PAX7: variants seen among roughly 807,000 people sequenced by gnomAD.
PAX7 encodes paired box protein Pax-7.
A neutral mutation model predicts 50.7 loss-of-function variants in PAX7; 18 were observed. The observed-to-expected ratio is 0.36, with a 90% CI of 0.25 to 0.53. The LOEUF is 0.53. PAX7 is among the 20% of genes least tolerant of loss of function. The pLI is 0.93. For missense variants in PAX7, 644 were observed against 702.9 expected, an observed-to-expected ratio of 0.92 and a Z score of 0.95; for synonymous variants, 310 against 290.4, an observed-to-expected ratio of 1.07 and a Z score of -0.69.
In PAX7 at chr1:18,661,742, A is replaced by ACTGGGCCTGG. The variant is rs540819144; in HGVS notation, c.586+25373_586+25382dup. ...ACAAGAGCCTGGGCTCCCTCGGCCAACTGGGCCTGGCCTTTGAAGCTTAGT... is the reference window on the plus strand; with the variant it reads ...ACAAGAGCCTGGGCTCCCTCGGCCAACTGGGCCTGGCTGGGCCTGGCCTTTGAAGCTTAGT... On this transcript the variant is annotated intron_variant, in intron 4 of 8. Transcript: ENST00000420770. Among the ~76,000 whole-genome samples, 648 of 152,342 alleles carry ACTGGGCCTGG rather than the reference A, an allele frequency of 4.3e-3. 5 individuals carry two copies. Among genetic ancestry groups the ACTGGGCCTGG allele is most frequent in the Middle Eastern group, 6.8e-3 (2 of 294 alleles).
intron 4 of PAX7, among the ~76,000 whole-genome samples, chr1:18,671,888 G>T (rs1005929050): frequency 6.6e-6 from 1 of 151,884 alleles, no homozygotes; most frequent in African/African-American, 2.4e-5. Flanking sequence ...GAGGCAGGAG[G>T]ATCACTTAAG....
chr1:18,650,889 TG>T (rs1241227255), intron 4 of PAX7, among the ~76,000 whole-genome samples: 1 of 152,198 alleles, frequency 6.6e-6, no homozygotes, highest in Non-Finnish European at 1.5e-5. Context: ...GGTACCATGC[TG>T]GGAACAATGG....
intron 4 of PAX7, among the ~76,000 whole-genome samples, chr1:18,668,782 T>G (rs967921007): frequency 3.9e-5 from 6 of 152,230 alleles, no homozygotes; most frequent in African/African-American, 1.4e-4. Flanking sequence ...ATACTTTGCA[T>G]GCATTCACAT....
At chr1:18,718,504 C>T (rs1203220094) in intron 7 of PAX7, among the ~76,000 whole-genome samples, 1 of 152,170 alleles carries the variant, frequency 6.6e-6, no homozygotes. Context: ...AGGCCTGGCA[C>T]ATCCAAAGCA....
At chr1:18,732,232 C>T (rs1409352934) in intron 7 of PAX7, among the ~76,000 whole-genome samples, 1 of 152,210 alleles carries the variant, frequency 6.6e-6, no homozygotes, top group Non-Finnish European at 1.5e-5. Flanking sequence ...TGTTTATTGT[C>T]AGCTTCGTTC....
At position 18,726,007 on chromosome 1, in the gene PAX7, TGC is replaced by T. The variant is rs1557554158; in HGVS notation, c.1156-9619_1156-9618del. Among the ~76,000 whole-genome samples, 6 of 144,438 alleles carry T rather than the reference TGC, an allele frequency of 4.2e-5. No individual in the cohort carries two copies. The highest frequency in any genetic ancestry group is 2.1e-4 in the South Asian group (1 of 4,670). The allele number at this position is 144,438 out of a possible 152,430, so 94.8% of individuals were successfully genotyped here. A position where few individuals can be genotyped will look rare whatever the true frequency, so the allele number is the denominator to read the frequency against. ...GTGTGTGTGTGTGCGCGCGCGCGCG[TGC>T]GCGCGTGTGTGTGCGTGTGTTTGTG... On this transcript the variant is annotated intron_variant, in intron 7 of 8. Transcript: ENST00000420770. This position sits in a 1 kb window ranked among gnomAD's most constrained non-coding sequence, Gnocchi z 4.8.
intron 4 of PAX7, among the ~76,000 whole-genome samples, chr1:18,688,577 G>C (rs1278076158): frequency 6.6e-6 from 1 of 152,204 alleles, no homozygotes; most frequent in Non-Finnish European, 1.5e-5. Context: ...GGACAGCACT[G>C]CTCTAGAACT....
chr1:18,636,483 G>T lies in PAX7; in HGVS notation c.586+112G>T. On this transcript the variant is annotated intron_variant, in intron 4 of 8. Transcript: ENST00000420770. This position sits in a 1 kb window ranked among gnomAD's most constrained non-coding sequence, Gnocchi z 5.1. ...AGCAGGCGACCAGAACTCCAGCGGA[G>T]AAACTCTCATGCTGCGGGGCAGCTG... is the stretch of plus-strand genomic sequence containing the variant. The T allele has an allele frequency of 7.5e-7, 1 of 1,338,950 alleles. No homozygotes were observed. The highest frequency in any genetic ancestry group is 1.0e-6 in the Non-Finnish European group (1 of 971,638). 82.9% of individuals were successfully genotyped at this position (1,338,950 alleles called of 1,614,324 possible).
At chr1:18,720,619 G>A (rs1432175683) in intron 7 of PAX7, among the ~76,000 whole-genome samples, 1 of 151,802 alleles carries the variant, frequency 6.6e-6, no homozygotes, top group Non-Finnish European at 1.5e-5. Flanking sequence ...GAGGGGAGGT[G>A]GGCGCAGACG....
At chr1:18,651,972 G>A (rs1347508223) in intron 4 of PAX7, among the ~76,000 whole-genome samples, 2 of 151,938 alleles carry the variant, frequency 1.3e-5, no homozygotes, top group Non-Finnish European at 2.9e-5. Context: ...AATTAGACCC[G>A]GGACAAGAAT....
rs550013821 is a variant in PAX7 at position 18,697,168 on chromosome 1, G to A, written c.787-3485G>A. Among the ~76,000 whole-genome samples, 5 of 152,272 alleles carry A rather than the reference G, an allele frequency of 3.3e-5. No individual in the cohort carries two copies. The South Asian group carries it at 1.0e-3, about 32-fold the overall frequency. Reference sequence around the variant, plus strand: ...AAGAGAAGGGCCAGATGGAATATTGGACACAGTACACAGATGGCATCAACT... The same window carrying A: ...AAGAGAAGGGCCAGATGGAATATTGAACACAGTACACAGATGGCATCAACT... On this transcript the variant is annotated intron_variant, in intron 5 of 8. Coordinates refer to ENST00000420770, the MANE Select transcript of PAX7 (RefSeq NM_001135254.2).
At chr1:18,685,232 T>C (rs1158032805) in intron 4 of PAX7, among the ~76,000 whole-genome samples, 3 of 152,162 alleles carry the variant, frequency 2.0e-5, no homozygotes, top group Non-Finnish European at 1.5e-5. Context: ...CCTCCCTTTA[T>C]TGGGAGAAAC....
At chr1:18,694,288 T>C (rs1410052299) in intron 5 of PAX7, among the ~76,000 whole-genome samples, 2 of 152,004 alleles carry the variant, frequency 1.3e-5, no homozygotes, top group Middle Eastern at 3.4e-3. Context: ...ATAGAAACCC[T>C]GTCTCTACTA....
At chr1:18,681,512 G>A (rs2088899750) in intron 4 of PAX7, among the ~76,000 whole-genome samples, 1 of 152,070 alleles carries the variant, frequency 6.6e-6, no homozygotes, top group African/African-American at 2.4e-5. Context: ...ACCATTTCCA[G>A]CAGTACTACT....
intron 7 of PAX7, among the ~76,000 whole-genome samples, chr1:18,717,373 C>T (rs1379321116): frequency 6.6e-6 from 1 of 152,172 alleles, no homozygotes; most frequent in East Asian, 1.9e-4. Context: ...GAGAGAGGCT[C>T]CCTCGGGAGC....
At chr1:18,731,461 G>C (rs1377590274) in intron 7 of PAX7, among the ~76,000 whole-genome samples, 1 of 152,150 alleles carries the variant, frequency 6.6e-6, no homozygotes, top group Non-Finnish European at 1.5e-5. Context: ...GTGTGGTTGT[G>C]GGTGAGCCCT....
chr1:18,689,187 C>T (rs577524532), intron 4 of PAX7, among the ~76,000 whole-genome samples: 1 of 152,346 alleles, frequency 6.6e-6, no homozygotes, highest in Admixed American at 6.5e-5. Context: ...TCGCTGCCTG[C>T]CAGACAAATG....
Position 18,747,703 on chromosome 1 carries a change from G to A in PAX7, c.*2774G>A, listed in dbSNP as rs186700016. On this transcript the variant is annotated 3_prime_UTR_variant, in exon 9 of 9. Transcript: ENST00000420770. The stretch of plus-strand genomic sequence containing the variant: ...TGCTTCCTCCAACTTATCACAAGTC[G>A]CCGTTGGTCCTCTCTAAGGAGGGCT... The A allele has an allele frequency of 6.4e-5, 13 of 203,740 alleles. No individual in the cohort carries two copies. The South Asian group carries it at 1.1e-3, about 18-fold the overall frequency. 12.6% of individuals were successfully genotyped at this position (203,740 alleles called of 1,614,324 possible).
intron 7 of PAX7, among the ~76,000 whole-genome samples, chr1:18,709,553 T>A (rs943022604): frequency 6.6e-6 from 1 of 152,144 alleles, no homozygotes; most frequent in African/African-American, 2.4e-5. Flanking sequence ...ATGGCAGAGA[T>A]CATGCTTACA....
Sources: allele counts gnomAD v4.1 joint callset (sites outside exome capture counted in the v4.1 genomes callset), GRCh38; gene constraint gnomAD v4.1.1; non-coding constraint Gnocchi (gnomAD v3.1); transcripts MANE v1.5; gene names NCBI Gene and HGNC (gene_info 2026-07-23, HGNC 2026-07-21).